The following UPF2 variants were observed in gnomAD, a reference collection of about 807,000 sequenced individuals.
UPF2 encodes UPF2 regulator of nonsense mediated mRNA decay.
UPF2 carries 17 observed loss-of-function variants against 141.4 expected under a neutral mutation model. The observed-to-expected ratio is 0.12, with a 90% confidence interval of 0.08 to 0.18. UPF2 has a LOEUF of 0.18. UPF2 is among the 10% of genes least tolerant of loss of function. The pLI, the probability that UPF2 is intolerant of heterozygous loss-of-function variation, is 1.00. For synonymous variants in UPF2, 540 were observed against 498.0 expected, an observed-to-expected ratio of 1.08 and a Z score of -1.12; for missense variants, 1,152 against 1,515.9, an observed-to-expected ratio of 0.76 and a Z score of 3.99.
chr10:12,032,858 G>T (rs553122986), intron 2 of UPF2, among the ~76,000 whole-genome samples: 7 of 152,156 alleles, frequency 4.6e-5, no homozygotes, highest in African/African-American at 1.7e-4. Context: ...CTGGCCAGGG[G>T]TGGTGGCACG....
At chr10:12,041,216 T>C (rs1464241727) in intron 1 of UPF2, among the ~76,000 whole-genome samples, 1 of 152,230 alleles carries the variant, frequency 6.6e-6, no homozygotes, top group East Asian at 1.9e-4. Context: ...CTAAAGTGTT[T>C]CCAAAAGTTT....
chr10:12,016,574 A>C lies in UPF2; in HGVS notation c.1146-2390T>G, dbSNP rs950859300. On this transcript the variant is annotated intron_variant, in intron 3 of 21. Coordinates refer to ENST00000357604, the MANE Select transcript of UPF2 (RefSeq NM_015542.4). The surrounding 1 kb of genome is among the most constrained non-coding windows in gnomAD (Gnocchi z 4.1). The stretch of plus-strand genomic sequence containing the variant: ...CCGGGTGTGGTGGTAGGTGCCTGTA[A>C]TCCCAGCTACTTGGGAGGCTAAGCC... Among the ~76,000 whole-genome samples the C allele has an allele frequency of 3.3e-5, 5 of 152,014 alleles. No homozygotes were observed. The highest frequency in any genetic ancestry group is 7.4e-5 in the Non-Finnish European group (5 of 67,998).
chr10:11,922,817 A>C (rs542883515), intron 21 of UPF2, among the ~76,000 whole-genome samples: 1 of 152,336 alleles, frequency 6.6e-6, no homozygotes, highest in African/African-American at 2.4e-5. Flanking sequence ...TCTACTTAAG[A>C]TAGGTTTACA....
intron 11 of UPF2, among the ~76,000 whole-genome samples, chr10:11,963,593 G>A (rs973901588): frequency 5.9e-5 from 9 of 152,144 alleles, no homozygotes; most frequent in Admixed American, 2.0e-4. Context: ...GAGCCACTGC[G>A]CCTGGCCTTA....
chr10:12,024,624 T>C (rs1834378556), intron 3 of UPF2, among the ~76,000 whole-genome samples: 1 of 150,830 alleles, frequency 6.6e-6, no homozygotes, highest in African/African-American at 2.4e-5. Flanking sequence ...AATTAATTAA[T>C]TTATTTATTA....
chr10:11,925,772 C>T (rs535873353), intron 21 of UPF2, among the ~76,000 whole-genome samples: 2 of 152,316 alleles, frequency 1.3e-5, no homozygotes, highest in Non-Finnish European at 2.9e-5. Flanking sequence ...AAAAAGAACA[C>T]AGAACTAAAG....
chr10:11,925,974 C>G (rs1176637263), intron 21 of UPF2, among the ~76,000 whole-genome samples: 1 of 152,170 alleles, frequency 6.6e-6, no homozygotes, highest in African/African-American at 2.4e-5. Flanking sequence ...AGAAAGAACA[C>G]TGGGTCTATA....
In UPF2 at chr10:11,921,367, G is replaced by T; in HGVS notation, c.3810-60C>A. ...ACTGCCACAGGACAAAGTCCAGCAAGATGGCGTCTGCAACGCTACCCACCA... is the reference window on the plus strand; with the variant it reads ...ACTGCCACAGGACAAAGTCCAGCAATATGGCGTCTGCAACGCTACCCACCA... On this transcript the variant is annotated intron_variant, in intron 21 of 21. Transcript: ENST00000357604. This position sits in a 1 kb window ranked among gnomAD's most constrained non-coding sequence, Gnocchi z 5.9. 2 of 1,609,214 alleles carry T rather than the reference G, an allele frequency of 1.2e-6. No homozygotes were observed. Among genetic ancestry groups the T allele is most frequent in the Non-Finnish European group, 1.7e-6 (2 of 1,176,196 alleles).
In UPF2 at chr10:11,956,775, C is replaced by G. The variant is rs925494233; in HGVS notation, c.2371-252G>C. 1.2e-4 allele frequency among the ~76,000 whole-genome samples: 18 copies of G among 152,144 alleles called. No individual in the cohort carries two copies. The highest frequency in any genetic ancestry group is 3.4e-4 in the African/African-American group (14 of 41,430). On this transcript the variant is annotated intron_variant, in intron 12 of 21. Coordinates refer to ENST00000357604, the MANE Select transcript of UPF2 (RefSeq NM_015542.4). This position sits in a 1 kb window ranked among gnomAD's most constrained non-coding sequence, Gnocchi z 4.2. The stretch of plus-strand genomic sequence containing the variant: ...GTTTTCAGGTCTTCAATCTAGGTGA[C>G]TGTTCTCAGGTCATTAAAATAAATA...
Position 12,038,378 on chromosome 10 carries a change from T to TCACACACACA in UPF2, c.-18-2947_-18-2938dup, listed in dbSNP as rs200544672. On this transcript the variant is annotated intron_variant, in intron 1 of 21. Coordinates refer to ENST00000357604, the MANE Select transcript of UPF2 (RefSeq NM_015542.4). Reference sequence around the variant, plus strand: ...ATGGGCGACAGAGTGAGACTCCATCTCACACACACACACACACACACACAC... The same window carrying TCACACACACA: ...ATGGGCGACAGAGTGAGACTCCATCTCACACACACACACACACACACACACACACACACAC... 4.4e-5 allele frequency among the ~76,000 whole-genome samples: 6 copies of TCACACACACA among 135,934 alleles called. 1 individual carries two copies. Among genetic ancestry groups the TCACACACACA allele is most frequent in the African/African-American group, 1.4e-4 (5 of 35,406 alleles). The allele number at this position is 135,934 out of a possible 152,430, so 89.2% of individuals were successfully genotyped here.
chr10:12,031,099 G>A (rs1301566841), intron 2 of UPF2, among the ~76,000 whole-genome samples: 13 of 151,516 alleles, frequency 8.6e-5, no homozygotes, highest in Admixed American at 6.6e-4. Context: ...GCATGAACCC[G>A]GGAGGCGGAG....
chr10:11,970,925 T>G (rs1318868290), intron 9 of UPF2, among the ~76,000 whole-genome samples: 1 of 152,096 alleles, frequency 6.6e-6, no homozygotes, highest in South Asian at 2.1e-4. Context: ...TTGGATGACG[T>G]TGGATGCATA....
chr10:11,998,754 T>C lies in UPF2; in HGVS notation c.1759-997A>G, dbSNP rs1007412978. Among the ~76,000 whole-genome samples, 102 of 152,104 alleles carry C rather than the reference T, an allele frequency of 6.7e-4. No homozygotes were observed. The highest frequency in any genetic ancestry group is 2.5e-3 in the African/African-American group (102 of 41,472). On this transcript the variant is annotated intron_variant, in intron 7 of 21. Transcript: ENST00000357604. This position sits in a 1 kb window ranked among gnomAD's most constrained non-coding sequence, Gnocchi z 4.5. ...CTGTAGTCCCAGCTACTCGGGAGGC[T>C]GAGGCAGGAGAATGGCGTGAACCCG...
At chr10:11,926,940 C>T (rs1832720308) in intron 21 of UPF2, among the ~76,000 whole-genome samples, 1 of 152,114 alleles carries the variant, frequency 6.6e-6, no homozygotes, top group Non-Finnish European at 1.5e-5. Context: ...ACACGCACGT[C>T]GATGACAGCA....
chr10:11,955,144 T>C, intron 14 of UPF2, 88 bp downstream of exon 14: 1 of 1,251,598 alleles, frequency 8.0e-7, no homozygotes, highest in Non-Finnish European at 1.1e-6. Context: ...AATATATGAA[T>C]ACCATAACGT....
In UPF2 at chr10:12,042,039, G is replaced by A. The variant is rs543136959; in HGVS notation, c.-19+716C>T. ...AAGAGAGTGCTTGGCGCCTTGAAGA[G>A]GTGAAGGTAAAGTGAAGAATCAACC... On this transcript the variant is annotated intron_variant, in intron 1 of 21. Coordinates refer to ENST00000357604, the MANE Select transcript of UPF2 (RefSeq NM_015542.4). The surrounding 1 kb of genome is among the most constrained non-coding windows in gnomAD (Gnocchi z 5.5). Among the ~76,000 whole-genome samples the A allele has an allele frequency of 3.3e-5, 5 of 152,102 alleles. No homozygotes were observed. The highest frequency in any genetic ancestry group is 6.6e-5 in the Admixed American group (1 of 15,260).
At chr10:12,040,177 T>G (rs1165555320) in intron 1 of UPF2, among the ~76,000 whole-genome samples, 3 of 152,042 alleles carry the variant, frequency 2.0e-5, no homozygotes, top group Non-Finnish European at 4.4e-5. Context: ...TCCCAGCACT[T>G]TGGGAGGCCG....
Position 11,931,217 on chromosome 10 carries a change from C to T in UPF2, c.3688+424G>A, listed in dbSNP as rs1206811105. On this transcript the variant is annotated intron_variant, in intron 20 of 21. Coordinates refer to ENST00000357604, the MANE Select transcript of UPF2 (RefSeq NM_015542.4). The surrounding 1 kb of genome is among the most constrained non-coding windows in gnomAD (Gnocchi z 5.9). ...ATCAGTTCATAACAGCTACACCATACAGCCTCAGTGTGTAGTAGGCTACAC... is the reference window on the plus strand; with the variant it reads ...ATCAGTTCATAACAGCTACACCATATAGCCTCAGTGTGTAGTAGGCTACAC... Among the ~76,000 whole-genome samples the T allele has an allele frequency of 6.6e-6, 1 of 152,198 alleles. No homozygotes were observed. Among genetic ancestry groups the T allele is most frequent in the African/African-American group, 2.4e-5 (1 of 41,450 alleles).
rs140872031 is a variant in UPF2 at position 12,007,834 on chromosome 10, GTAATAATAATAATAA to G, written c.1307-3122_1307-3108del. On this transcript the variant is annotated intron_variant, in intron 4 of 21. Coordinates refer to ENST00000357604, the MANE Select transcript of UPF2 (RefSeq NM_015542.4). Reference sequence around the variant, plus strand: ...CAACACAGCAAGGCGCCGTCTCAAAGTAATAATAATAATAATAATAATAATAATAATAATAATTTC... The same window carrying G: ...CAACACAGCAAGGCGCCGTCTCAAAGTAATAATAATAATAATAATAATTTC... 8.9e-5 allele frequency among the ~76,000 whole-genome samples: 12 copies of G among 134,564 alleles called. No homozygotes were observed. In the South Asian group the frequency reaches 1.9e-3, roughly 22 times the overall value. The allele number at this position is 134,564 out of a possible 152,430, so 88.3% of individuals were successfully genotyped here. A position where few individuals can be genotyped will look rare whatever the true frequency, so the allele number is the denominator to read the frequency against.
Sources: gnomAD v4.1 joint callset for allele counts (sites outside exome capture counted in the v4.1 genomes callset) on GRCh38, gnomAD v4.1.1 for gene constraint, Gnocchi (gnomAD v3.1) non-coding constraint, MANE v1.5 for transcripts, NCBI Gene and HGNC (gene_info 2026-07-23, HGNC 2026-07-21) for gene names.